The following LRBA variants were observed in gnomAD, a reference collection of about 807,000 sequenced individuals.
LRBA encodes the protein LPS responsive beige-like anchor protein.
LRBA carries 176 observed loss-of-function variants against 330.0 expected under a neutral mutation model. The observed-to-expected ratio is 0.53, with a 90% CI of 0.47 to 0.60. The LOEUF is 0.60. LRBA is among the 20% of genes least tolerant of loss of function. The probability of loss-of-function intolerance (pLI) is 0.00; values close to 1 mark genes in which losing one functional copy is unlikely to be tolerated. For missense variants in LRBA, 3,259 were observed against 3,444.8 expected (o/e 0.95, Z 1.35); for synonymous variants, 1,230 against 1,193.0 (o/e 1.03, Z -0.64).
At chr4:150,842,809 G>A (rs1749287949) in intron 28 of LRBA, among the ~76,000 whole-genome samples, 1 of 151,582 alleles carries the variant, frequency 6.6e-6, no homozygotes, top group Admixed American at 6.6e-5. Flanking sequence ...ATTATTGTGA[G>A]AATTAAACAC....
rs549222495 is a variant in LRBA at position 150,945,960 on chromosome 4, T to C, written c.217-16895A>G. 3.4e-4 allele frequency among the ~76,000 whole-genome samples: 51 copies of C among 152,108 alleles called. No individual in the cohort carries two copies. In the South Asian group the frequency reaches 0.01, roughly 31 times the overall value. On this transcript the variant is annotated intron_variant, in intron 2 of 56. Coordinates refer to ENST00000651943, the MANE Select transcript of LRBA (RefSeq NM_001364905.1). ...GACTACAGGTGTACGCCACCAAGCA[T>C]GGCTAATTTTTGTATTTTTAGTAGA... is the stretch of plus-strand genomic sequence containing the variant.
At chr4:150,868,596 T>C (rs1753033870) in intron 20 of LRBA, among the ~76,000 whole-genome samples, 1 of 152,160 alleles carries the variant, frequency 6.6e-6, no homozygotes, top group Admixed American at 6.5e-5. Flanking sequence ...TAAATGTCAG[T>C]GAAACTGCTT....
intron 47 of LRBA, among the ~76,000 whole-genome samples, chr4:150,402,656 C>T (rs559580194): frequency 2.8e-4 from 42 of 151,954 alleles, no homozygotes; most frequent in African/African-American, 9.2e-4. Flanking sequence ...GAAAAAATGG[C>T]CTATTTTTGT....
chr4:150,966,162 T>C (rs1168880322), intron 2 of LRBA, among the ~76,000 whole-genome samples: 2 of 152,296 alleles, frequency 1.3e-5, no homozygotes, highest in Non-Finnish European at 1.5e-5. Context: ...GAAGTACATA[T>C]TGGAGACTGC....
chr4:150,628,718 G>C (rs1777084792), intron 37 of LRBA, among the ~76,000 whole-genome samples: 1 of 152,082 alleles, frequency 6.6e-6, no homozygotes, highest in South Asian at 2.1e-4. Flanking sequence ...CTTTTAACCT[G>C]TTACTTCCAT....
At chr4:150,520,631 T>C (rs9307878) in intron 40 of LRBA, among the ~76,000 whole-genome samples, 9,945 of 152,214 alleles carry the variant, frequency 0.065, 523 homozygotes, top group East Asian at 0.18. Context: ...TCATATTCTT[T>C]GCAGCAACAT....
intron 42 of LRBA, 132 bp downstream of exon 42, chr4:150,487,599 AC>A: frequency 2.3e-6 from 1 of 440,296 alleles, no homozygotes; most frequent in South Asian, 5.4e-5. Context: ...GAAACATAAA[AC>A]AGAAAGTTAT....
At chr4:150,566,613 A>G (rs190919555) in intron 40 of LRBA, among the ~76,000 whole-genome samples, 49 of 152,238 alleles carry the variant, frequency 3.2e-4, no homozygotes, top group African/African-American at 1.2e-3. Flanking sequence ...AAAGAAGATC[A>G]AGTAACTGAT....
intron 34 of LRBA, among the ~76,000 whole-genome samples, chr4:150,772,058 A>C (rs1158964137): frequency 1.3e-5 from 2 of 152,138 alleles, no homozygotes; most frequent in Admixed American, 6.5e-5. Flanking sequence ...GTCCCTTCCA[A>C]GTCTCTGACC....
At chr4:150,832,361 C>G (rs1475287637) in intron 28 of LRBA, among the ~76,000 whole-genome samples, 4 of 152,084 alleles carry the variant, frequency 2.6e-5, no homozygotes, top group African/African-American at 4.8e-5. Context: ...CTTTGGGGGC[C>G]AAACCAGGCG....
chr4:150,935,802 A>G lies in LRBA; in HGVS notation c.217-6737T>C, dbSNP rs535090382. Among the ~76,000 whole-genome samples the G allele has an allele frequency of 6.6e-5, 10 of 152,102 alleles. No individual in the cohort carries two copies. In the South Asian group the frequency reaches 2.1e-3, roughly 32 times the overall value. The stretch of plus-strand genomic sequence containing the variant: ...TTCAATATAGGATTAGAGTGTCATC[A>G]CAAGCATTAAATGGAGCTATGAAAT... On this transcript the variant is annotated intron_variant, in intron 2 of 56. Transcript: ENST00000651943.
At chr4:150,976,659 CA>C (rs1354573112) in intron 2 of LRBA, among the ~76,000 whole-genome samples, 3 of 152,088 alleles carry the variant, frequency 2.0e-5, no homozygotes, top group Admixed American at 2.0e-4. Context: ...ACCATGTCCA[CA>C]AAAAAGCACC....
intron 22 of LRBA, among the ~76,000 whole-genome samples, chr4:150,860,481 A>G (rs961793907): frequency 3.9e-5 from 6 of 152,088 alleles, no homozygotes; most frequent in African/African-American, 1.4e-4. Flanking sequence ...TAAAGCAACT[A>G]TTTTCTTCAG....
chr4:150,532,663 T>G (rs1365410574), intron 40 of LRBA, among the ~76,000 whole-genome samples: 2 of 152,070 alleles, frequency 1.3e-5, no homozygotes, highest in Non-Finnish European at 2.9e-5. Flanking sequence ...GCAAGCCCTA[T>G]TAGTGAAAAA....
At chr4:150,855,877 C>A (rs988702218) in intron 22 of LRBA, among the ~76,000 whole-genome samples, 2 of 151,994 alleles carry the variant, frequency 1.3e-5, no homozygotes, top group South Asian at 2.1e-4. Context: ...ACCTGAGCTC[C>A]CAAGAAAAGA....
chr4:150,371,182 A>ATTTTT lies in LRBA; in HGVS notation c.7195-21028_7195-21024dup, dbSNP rs70937395. On this transcript the variant is annotated intron_variant, in intron 47 of 56. Transcript: ENST00000651943. The stretch of plus-strand genomic sequence containing the variant: ...AAAAGCATGAGCTGCAAGCTACTAA[A>ATTTTT]TTTTTTTTTTTTTTTTTTTTTTTTT... 4.1e-3 allele frequency among the ~76,000 whole-genome samples: 381 copies of ATTTTT among 91,922 alleles called. 27 individuals carry two copies. The highest frequency in any genetic ancestry group is 0.017 in the African/African-American group (362 of 20,822). The allele number at this position is 91,922 out of a possible 152,430, so 60.3% of individuals were successfully genotyped here.
At chr4:150,558,550 G>A (rs1022428938) in intron 40 of LRBA, among the ~76,000 whole-genome samples, 8 of 152,036 alleles carry the variant, frequency 5.3e-5, no homozygotes, top group Non-Finnish European at 1.0e-4. Context: ...ACTATAATAT[G>A]CTCCAGGCTC....
chr4:150,865,962 C>T (rs566132102), intron 22 of LRBA, among the ~76,000 whole-genome samples: 6 of 152,168 alleles, frequency 3.9e-5, no homozygotes, highest in Admixed American at 1.3e-4. Context: ...GTGATCCACC[C>T]GCCTTGGCCT....
At chr4:150,723,793 C>A (rs1729272441) in intron 36 of LRBA, among the ~76,000 whole-genome samples, 1 of 152,206 alleles carries the variant, frequency 6.6e-6, no homozygotes, top group Admixed American at 6.5e-5. Flanking sequence ...TCTTGGACAG[C>A]ATTTCCAGAT....
Sources: allele counts gnomAD v4.1 joint callset (sites outside exome capture counted in the v4.1 genomes callset), GRCh38; gene constraint gnomAD v4.1.1; transcripts MANE v1.5; gene names NCBI Gene and HGNC (gene_info 2026-07-23, HGNC 2026-07-21).